HIVEP2: variants seen among roughly 807,000 people sequenced by gnomAD.
HIVEP2 encodes HIVEP zinc finger 2.
HIVEP2 carries 14 observed loss-of-function variants against 180.7 expected under a neutral mutation model. The ratio of observed to expected loss-of-function variants is 0.08; its 90% CI spans 0.05 to 0.12. HIVEP2 has a LOEUF of 0.12. Ranked by LOEUF, HIVEP2 falls within the 10% of genes least tolerant of loss-of-function variation. HIVEP2 has a pLI of 1.00. For synonymous variants in HIVEP2, 1,184 were observed against 1,136.4 expected (o/e 1.04, Z -0.84); for missense variants, 2,579 against 3,008.5 (o/e 0.86, Z 3.34).
intron 6 of HIVEP2, 83 bp from the exon 7 acceptor site, chr6:142,765,057 G>T: frequency 7.6e-7 from 1 of 1,314,316 alleles, no homozygotes; most frequent in Non-Finnish European, 1.0e-6. Flanking sequence ...TTATTTGCAC[G>T]GCAAAGTTTT....
intron 9 of HIVEP2, 31 bp from the exon 10 acceptor site, chr6:142,753,962 T>C (rs1774998093): frequency 1.7e-6 from 2 of 1,199,158 alleles, no homozygotes; most frequent in South Asian, 1.4e-5. Context: ...AGCACAAAAT[T>C]CAGAGCCTGC....
At chr6:142,855,472 C>T (rs1177520943) in intron 1 of HIVEP2, among the ~76,000 whole-genome samples, 3 of 152,212 alleles carry the variant, frequency 2.0e-5, no homozygotes, top group African/African-American at 7.2e-5. Flanking sequence ...TTTAAACTGT[C>T]TTTGTGTTAT....
At chr6:142,939,284 C>CT (rs752335229) in intron 1 of HIVEP2, among the ~76,000 whole-genome samples, 1 of 152,030 alleles carries the variant, frequency 6.6e-6, no homozygotes, top group Non-Finnish European at 1.5e-5. Context: ...ACTTTCATTA[C>CT]TTCTCTTTAG....
intron 9 of HIVEP2, among the ~76,000 whole-genome samples, chr6:142,757,449 A>G (rs1251509969): frequency 1.3e-5 from 2 of 152,166 alleles, no homozygotes; most frequent in Non-Finnish European, 2.9e-5. Context: ...TCATGAGGTC[A>G]AGAAATCGAG....
intron 1 of HIVEP2, among the ~76,000 whole-genome samples, chr6:142,839,861 G>A (rs1033244821): frequency 6.6e-6 from 1 of 152,100 alleles, no homozygotes; most frequent in African/African-American, 2.4e-5. Context: ...AAGCCCAGAA[G>A]GTCACTTGCA....
intron 2 of HIVEP2, among the ~76,000 whole-genome samples, chr6:142,824,622 T>A (rs13208190): frequency 0.23 from 35,531 of 152,114 alleles, 4,669 homozygotes; most frequent in Non-Finnish European, 0.3. Flanking sequence ...TCCATCAGGT[T>A]TTTTGCTTCC....
intron 2 of HIVEP2, among the ~76,000 whole-genome samples, chr6:142,785,299 T>C (rs1221999351): frequency 1.4e-5 from 1 of 69,186 alleles, no homozygotes; most frequent in South Asian, 4.7e-4. Context: ...AAGTAAAGCA[T>C]GGCATTCCTC....
chr6:142,860,679 G>C (rs1395932864), intron 1 of HIVEP2, among the ~76,000 whole-genome samples: 1 of 152,174 alleles, frequency 6.6e-6, no homozygotes, highest in Non-Finnish European at 1.5e-5. Context: ...GCTTCTGTGA[G>C]AATCTCATGC....
chr6:142,888,912 G>A (rs916075801), intron 1 of HIVEP2, among the ~76,000 whole-genome samples: 1 of 152,120 alleles, frequency 6.6e-6, no homozygotes, highest in African/African-American at 2.4e-5. Flanking sequence ...GACCAAAAAT[G>A]AGTTGTAGAA....
intron 1 of HIVEP2, among the ~76,000 whole-genome samples, chr6:142,849,802 A>G (rs913775174): frequency 6.6e-6 from 1 of 152,108 alleles, no homozygotes; most frequent in African/African-American, 2.4e-5. Context: ...TACAGGTATG[A>G]GCCACCACGC....
intron 1 of HIVEP2, among the ~76,000 whole-genome samples, chr6:142,887,135 A>C (rs535424237): frequency 6.6e-6 from 1 of 152,286 alleles, no homozygotes; most frequent in Admixed American, 6.5e-5. Context: ...TTCCCAATCA[A>C]CATTCAGCCA....
chr6:142,932,624 T>C (rs977339009), intron 1 of HIVEP2, among the ~76,000 whole-genome samples: 9 of 152,204 alleles, frequency 5.9e-5, no homozygotes, highest in Non-Finnish European at 2.9e-5. Flanking sequence ...GTGAACAAGA[T>C]TGCTATCTTT....
intron 2 of HIVEP2, among the ~76,000 whole-genome samples, chr6:142,799,729 C>G (rs1776361199): frequency 6.6e-6 from 1 of 152,080 alleles, no homozygotes; most frequent in Non-Finnish European, 1.5e-5. Flanking sequence ...AATTAAAGTT[C>G]AAGGTGGTAG....
chr6:142,920,805 G>A (rs1172390834), intron 1 of HIVEP2, among the ~76,000 whole-genome samples: 1 of 151,934 alleles, frequency 6.6e-6, no homozygotes, highest in Non-Finnish European at 1.5e-5. Context: ...AACATAGGGA[G>A]AACCCATTTC....
chr6:142,789,690 T>C (rs1776092148), intron 2 of HIVEP2, among the ~76,000 whole-genome samples: 1 of 152,340 alleles, frequency 6.6e-6, no homozygotes, highest in South Asian at 2.1e-4. Context: ...TTATTTTCCA[T>C]TATCCACACT....
At chr6:142,845,640 G>T (rs974699714) in intron 1 of HIVEP2, among the ~76,000 whole-genome samples, 2 of 152,218 alleles carry the variant, frequency 1.3e-5, no homozygotes, top group Non-Finnish European at 2.9e-5. Context: ...CAAAGGTTCA[G>T]TTAAGGAAGA....
chr6:142,931,349 C>T (rs1000283677), intron 1 of HIVEP2, among the ~76,000 whole-genome samples: 3 of 151,516 alleles, frequency 2.0e-5, no homozygotes, highest in African/African-American at 4.8e-5. Context: ...CAAGTACTTC[C>T]AAATATTCTG....
chr6:142,924,329 C>T (rs964360376), intron 1 of HIVEP2, among the ~76,000 whole-genome samples: 1 of 152,148 alleles, frequency 6.6e-6, no homozygotes, highest in Non-Finnish European at 1.5e-5. Flanking sequence ...CCTCATTCAG[C>T]ACCCGTGCTC....
At chr6:142,830,584 A>G (rs1412758674) in intron 2 of HIVEP2, among the ~76,000 whole-genome samples, 2 of 152,164 alleles carry the variant, frequency 1.3e-5, no homozygotes, top group African/African-American at 4.8e-5. Flanking sequence ...AAACAGCAAA[A>G]AGAGGAAGAT....
Sources: gnomAD v4.1 joint callset for allele counts (sites outside exome capture counted in the v4.1 genomes callset) on GRCh38, gnomAD v4.1.1 for gene constraint, MANE v1.5 for transcripts, NCBI Gene and HGNC (gene_info 2026-07-23, HGNC 2026-07-21) for gene names.